Variants in GABRB1 observed in about 807,000 individuals in gnomAD.
The protein encoded by GABRB1 is gamma-aminobutyric acid receptor subunit beta-1.
GABRB1 carries 17 observed loss-of-function variants against 51.6 expected under a neutral mutation model. The ratio of observed to expected loss-of-function variants is 0.33; its 90% CI spans 0.23 to 0.49. The LOEUF (loss-of-function observed/expected upper bound fraction) is 0.49. Among genes scored for constraint, GABRB1 ranks in the 20% least tolerant of loss-of-function variants. GABRB1 has a pLI of 0.99. For synonymous variants in GABRB1, 247 were observed against 218.9 expected, an observed-to-expected ratio of 1.13 and a Z score of -1.14; for missense variants, 410 against 600.6, an observed-to-expected ratio of 0.68 and a Z score of 3.32.
intron 5 of GABRB1, among the ~76,000 whole-genome samples, chr4:47,402,937 AT>A (rs1427556267): frequency 9.9e-5 from 15 of 152,130 alleles, no homozygotes; most frequent in African/African-American, 3.6e-4. Flanking sequence ...GTGCTCAATT[AT>A]TATTACTTGT....
intron 8 of GABRB1, 41 bp from the exon 9 acceptor site, chr4:47,425,633 G>T (rs755527670): frequency 2.0e-6 from 3 of 1,469,674 alleles, no homozygotes; most frequent in Middle Eastern, 3.6e-4. Flanking sequence ...ACAGGCAAAG[G>T]TCCTGCAACT....
At chr4:47,048,522 A>T (rs1276638670) in intron 3 of GABRB1, among the ~76,000 whole-genome samples, 1 of 152,148 alleles carries the variant, frequency 6.6e-6, no homozygotes, top group Non-Finnish European at 1.5e-5. Context: ...TTTAAGCGTG[A>T]TGCATTCAAT....
At chr4:47,412,424 CCACTT>C (rs1336815738) in intron 8 of GABRB1, among the ~76,000 whole-genome samples, 1 of 152,120 alleles carries the variant, frequency 6.6e-6, no homozygotes, top group Non-Finnish European at 1.5e-5. Context: ...AGACTATACT[CCACTT>C]CAGCTTCTGC....
chr4:47,039,277 T>C (rs76680205), intron 3 of GABRB1, among the ~76,000 whole-genome samples: 4,274 of 150,466 alleles, frequency 0.028, 295 homozygotes, highest in East Asian at 0.15. Context: ...CCCGATAAAA[T>C]CTGTTGTTGC....
chr4:47,234,739 A>G (rs558469365), intron 4 of GABRB1, among the ~76,000 whole-genome samples: 86 of 152,316 alleles, frequency 5.6e-4, no homozygotes, highest in African/African-American at 1.9e-3. Context: ...CTTAGATCTG[A>G]GTGTATGTTT....
chr4:47,004,707 A>C (rs76707946), intron 1 of GABRB1, among the ~76,000 whole-genome samples: 4,627 of 151,834 alleles, frequency 0.03, 295 homozygotes, highest in East Asian at 0.14. Flanking sequence ...ACAAGCAAAC[A>C]AACAAAAAAC....
At chr4:47,197,694 A>G (rs1326872419) in intron 4 of GABRB1, among the ~76,000 whole-genome samples, 1 of 152,202 alleles carries the variant, frequency 6.6e-6, no homozygotes, top group Non-Finnish European at 1.5e-5. Context: ...TATTTACTTC[A>G]TTGTTTCTAA....
intron 4 of GABRB1, among the ~76,000 whole-genome samples, chr4:47,313,332 A>T (rs1724774176): frequency 6.6e-6 from 1 of 152,208 alleles, no homozygotes; most frequent in South Asian, 2.1e-4. Flanking sequence ...CCAGAATGAA[A>T]ATCTTGAGTT....
At chr4:47,306,405 G>C (rs908537845) in intron 4 of GABRB1, among the ~76,000 whole-genome samples, 1 of 151,246 alleles carries the variant, frequency 6.6e-6, no homozygotes, top group Non-Finnish European at 1.5e-5. Context: ...GTGCGAAGTA[G>C]AGATGGGAGG....
upstream of GABRB1, chr4:47,031,352 C>T: frequency 2.4e-6 from 1 of 409,376 alleles, no homozygotes; most frequent in Non-Finnish European, 4.4e-6. Context: ...ATCAACATAG[C>T]AACCTCCAAT....
intron 4 of GABRB1, among the ~76,000 whole-genome samples, chr4:47,196,472 C>T (rs1003257552): frequency 1.3e-5 from 2 of 152,218 alleles, no homozygotes; most frequent in Admixed American, 6.5e-5. Flanking sequence ...ACAGCATGGA[C>T]GGCCCTTGTA....
At chr4:47,230,225 G>A (rs1296117618) in intron 4 of GABRB1, among the ~76,000 whole-genome samples, 1 of 152,128 alleles carries the variant, frequency 6.6e-6, no homozygotes, top group Non-Finnish European at 1.5e-5. Context: ...CATGTGGTGT[G>A]GGAGAATGTT....
chr4:47,385,254 AG>A (rs1186875751), intron 5 of GABRB1, among the ~76,000 whole-genome samples: 12 of 152,330 alleles, frequency 7.9e-5, no homozygotes, highest in Admixed American at 5.2e-4. Flanking sequence ...GAATTTTGAA[AG>A]AGATTTCTCA....
At chr4:47,400,946 T>C in intron 5 of GABRB1, among the ~76,000 whole-genome samples, 1 of 129,156 alleles carries the variant, frequency 7.7e-6, no homozygotes, top group South Asian at 2.5e-4. Context: ...TTTTTTTTTT[T>C]GAGACGGAGT....
Position 46,998,691 on chromosome 4 carries a change from G to T in GABRB1, c.-20+4765G>T, listed in dbSNP as rs192966884. ...GGAGCTTGCAGTGAGCTGAGATTGT[G>T]CCACTGCACTGCAGCCTGGGCCACT... On this transcript the variant is annotated intron_variant, in intron 1 of 3. Transcript: ENST00000513567. 7.7e-5 allele frequency among the ~76,000 whole-genome samples: 11 copies of T among 143,620 alleles called. No homozygotes were observed. The East Asian group carries it at 2.3e-3, about 30-fold the overall frequency. 94.2% of individuals were successfully genotyped at this position (143,620 alleles called of 152,430 possible). A position where few individuals can be genotyped will look rare whatever the true frequency, so the allele number is the denominator to read the frequency against.
chr4:47,348,182 T>C (rs1159372873), intron 5 of GABRB1, among the ~76,000 whole-genome samples: 1 of 152,210 alleles, frequency 6.6e-6, no homozygotes, highest in East Asian at 1.9e-4. Context: ...GTTCATCAAC[T>C]GATGCAGGTA....
intron 4 of GABRB1, among the ~76,000 whole-genome samples, chr4:47,192,629 G>A (rs1334354511): frequency 2.0e-5 from 3 of 151,902 alleles, no homozygotes; most frequent in Non-Finnish European, 4.4e-5. Context: ...CACATAAATG[G>A]TAGATACTTT....
chr4:47,355,797 T>A (rs753969896), intron 5 of GABRB1, among the ~76,000 whole-genome samples: 13 of 152,210 alleles, frequency 8.5e-5, no homozygotes, highest in African/African-American at 2.9e-4. Context: ...AGTCATTTGG[T>A]TCATCAACTG....
At chr4:47,365,673 G>A (rs1403828453) in intron 5 of GABRB1, among the ~76,000 whole-genome samples, 1 of 152,134 alleles carries the variant, frequency 6.6e-6, no homozygotes, top group Non-Finnish European at 1.5e-5. Context: ...GGCATGGGCA[G>A]GAGATTAAAG....
Sources: gnomAD v4.1 joint callset for allele counts (sites outside exome capture counted in the v4.1 genomes callset) on GRCh38, gnomAD v4.1.1 for gene constraint, MANE v1.5 for transcripts, NCBI Gene and HGNC (gene_info 2026-07-23, HGNC 2026-07-21) for gene names.